Variants in PRKG1 observed in about 807,000 individuals in gnomAD.
PRKG1 encodes the protein cGMP-dependent protein kinase 1.
Under a neutral mutation model 88.1 loss-of-function variants are expected in PRKG1, and 35 were observed. That is an observed-to-expected ratio of 0.40 (90% CI 0.30 to 0.53). PRKG1 has a LOEUF of 0.53. Among genes scored for constraint, PRKG1 ranks in the 20% least tolerant of loss-of-function variants. The pLI is 0.59. For synonymous variants in PRKG1, 303 were observed against 292.5 expected, an observed-to-expected ratio of 1.04 and a Z score of -0.37; for missense variants, 540 against 839.8, an observed-to-expected ratio of 0.64 and a Z score of 4.41.
chr10:51,587,313 T>C (rs566226566), intron 3 of PRKG1, among the ~76,000 whole-genome samples: 2 of 152,290 alleles, frequency 1.3e-5, no homozygotes, highest in South Asian at 4.1e-4. Flanking sequence ...GAAGCTGTAA[T>C]GAATAGCAGC....
intron 7 of PRKG1, among the ~76,000 whole-genome samples, chr10:52,116,072 T>A (rs1847680216): frequency 6.6e-6 from 1 of 152,130 alleles, no homozygotes; most frequent in South Asian, 2.1e-4. Flanking sequence ...CGGCACTGCC[T>A]TTTCCTTATT....
chr10:52,047,143 A>G (rs972387763), intron 5 of PRKG1, among the ~76,000 whole-genome samples: 1 of 152,174 alleles, frequency 6.6e-6, no homozygotes, highest in Non-Finnish European at 1.5e-5. Context: ...AAAGTGTTCC[A>G]GGATTTATTT....
chr10:52,047,789 T>C (rs561956825), intron 5 of PRKG1, among the ~76,000 whole-genome samples: 1 of 152,286 alleles, frequency 6.6e-6, no homozygotes, highest in African/African-American at 2.4e-5. Context: ...AGGAACTGAC[T>C]GATTTTGGCC....
intron 1 of PRKG1, among the ~76,000 whole-genome samples, chr10:51,013,493 T>C (rs186241781): frequency 1.3e-5 from 2 of 152,276 alleles, no homozygotes; most frequent in East Asian, 3.9e-4. Context: ...TGGATACAAG[T>C]GATTCCCCTG....
chr10:51,621,947 A>G (rs141287250), intron 3 of PRKG1, among the ~76,000 whole-genome samples: 201 of 152,342 alleles, frequency 1.3e-3, no homozygotes, highest in African/African-American at 4.5e-3. Context: ...AACCAAAATC[A>G]AAGATGATTG....
At chr10:51,729,094 G>T (rs1842208636) in intron 3 of PRKG1, among the ~76,000 whole-genome samples, 1 of 152,138 alleles carries the variant, frequency 6.6e-6, no homozygotes, top group South Asian at 2.1e-4. Context: ...AAAATGGAAA[G>T]ATGACTCTCT....
In PRKG1 at chr10:51,494,067, A is replaced by T. The variant is rs544982515; in HGVS notation, c.592+26231A>T. Among the ~76,000 whole-genome samples the T allele has an allele frequency of 3.9e-5, 6 of 152,114 alleles. 1 individual carries two copies. In the South Asian group the frequency reaches 1.0e-3, roughly 26 times the overall value. ...TTGATTTTTTAATTTATTATTTGTT[A>T]TTCTCTTTTTAGAGTTGGGGTCTTG... On this transcript the variant is annotated intron_variant, in intron 3 of 17. Coordinates refer to ENST00000373980, the MANE Select transcript of PRKG1 (RefSeq NM_006258.4).
intron 7 of PRKG1, among the ~76,000 whole-genome samples, chr10:52,081,130 C>T (rs557242539): frequency 5.9e-5 from 9 of 152,230 alleles, no homozygotes; most frequent in East Asian, 1.9e-4. Flanking sequence ...GGAAACCCAA[C>T]GTACAATGTG....
chr10:51,049,448 A>G (rs371006959), intron 1 of PRKG1, among the ~76,000 whole-genome samples: 197 of 152,278 alleles, frequency 1.3e-3, no homozygotes, highest in African/African-American at 4.6e-3. Context: ...ATTTGGGGGA[A>G]TTATTCCCTC....
rs376168032 is a variant in PRKG1 at position 50,991,615 on chromosome 10, G to C, written c.237G>C (p.Gln79His). The C allele has an allele frequency of 3.2e-6, 5 of 1,555,148 alleles. No individual in the cohort carries two copies. In the African/African-American group the frequency reaches 5.6e-5, roughly 17 times the overall value. The stretch of plus-strand genomic sequence containing the variant: ...ACAGGTCCTTCCACGACCTCCGACA[G>C]GCATTCCGGAAGTTCACCAAGTCCG... The change falls in exon 1 of 18, where the codon CAG becomes CAC. Residue 79 changes from glutamine (Q) to histidine (H), a missense_variant. Coordinates refer to the PRKG1 transcript ENST00000401604. This position sits in a 1 kb window ranked among gnomAD's most constrained non-coding sequence, Gnocchi z 4.5.
At chr10:51,057,490 T>C (rs1209000421) in intron 1 of PRKG1, among the ~76,000 whole-genome samples, 1 of 152,182 alleles carries the variant, frequency 6.6e-6, no homozygotes, top group Non-Finnish European at 1.5e-5. Flanking sequence ...TACAGCAGTA[T>C]AATCACCACT....
At chr10:52,000,999 T>A (rs1844580219) in intron 5 of PRKG1, among the ~76,000 whole-genome samples, 1 of 151,960 alleles carries the variant, frequency 6.6e-6, no homozygotes, top group Non-Finnish European at 1.5e-5. Context: ...GAACTATATC[T>A]CCTCTCCCTG....
At chr10:51,830,560 G>GTTTTTTTTTTTT (rs531412645) in intron 4 of PRKG1, among the ~76,000 whole-genome samples, 215 of 83,606 alleles carry the variant, frequency 2.6e-3, no homozygotes, top group Middle Eastern at 7.2e-3. Flanking sequence ...TTTTTTTTTT[G>GTTTTTTTTTTTT]TTTTTTTTTT....
intron 9 of PRKG1, among the ~76,000 whole-genome samples, chr10:52,199,094 CTT>C (rs5784911): frequency 1.1e-4 from 17 of 151,766 alleles, no homozygotes; most frequent in African/African-American, 3.9e-4. Flanking sequence ...CTTGCTCTTT[CTT>C]TTTTTTTCCC....
At chr10:51,583,367 A>G (rs935942324) in intron 3 of PRKG1, among the ~76,000 whole-genome samples, 1 of 152,128 alleles carries the variant, frequency 6.6e-6, no homozygotes, top group African/African-American at 2.4e-5. Context: ...GTTGTTTACT[A>G]TTTCAGACTC....
intron 11 of PRKG1, among the ~76,000 whole-genome samples, 179 bp from the exon 12 acceptor site, chr10:52,272,213 A>T (rs186188457): frequency 6.6e-6 from 1 of 152,216 alleles, no homozygotes; most frequent in Admixed American, 6.6e-5. Flanking sequence ...AGTTTCTTCT[A>T]TTAAAATCCT....
At chr10:51,042,392 A>G (rs1336269004) in intron 1 of PRKG1, among the ~76,000 whole-genome samples, 2 of 152,086 alleles carry the variant, frequency 1.3e-5, no homozygotes, top group South Asian at 4.2e-4. Context: ...ATTATGACCT[A>G]TTATGTACTT....
chr10:51,830,548 G>GTTTT (rs1022530024), intron 4 of PRKG1, among the ~76,000 whole-genome samples: 13 of 116,250 alleles, frequency 1.1e-4, no homozygotes, highest in African/African-American at 2.6e-4. Flanking sequence ...CTCTTAAAGT[G>GTTTT]TTTTTTTTTT....
At chr10:51,592,223 C>A (rs191585925) in intron 3 of PRKG1, among the ~76,000 whole-genome samples, 11 of 152,300 alleles carry the variant, frequency 7.2e-5, no homozygotes, top group Admixed American at 5.2e-4. Context: ...CTATTCAGAA[C>A]TGCTGAAAAG....
Sources: allele counts gnomAD v4.1 joint callset (sites outside exome capture counted in the v4.1 genomes callset), GRCh38; gene constraint gnomAD v4.1.1; non-coding constraint Gnocchi (gnomAD v3.1); transcripts MANE v1.5; gene names NCBI Gene and HGNC (gene_info 2026-07-23, HGNC 2026-07-21).